RSBN1: variants seen among roughly 807,000 people sequenced by gnomAD.
RSBN1 encodes round spermatid basic protein 1.
Under a neutral mutation model 74.8 loss-of-function variants are expected in RSBN1, and 23 were observed. The ratio of observed to expected loss-of-function variants is 0.31; its 90% CI spans 0.22 to 0.44. RSBN1 has a LOEUF of 0.44. Among genes scored for constraint, RSBN1 ranks in the 20% least tolerant of loss-of-function variants. The pLI is 1.00. For missense variants in RSBN1, 808 were observed against 1,020.9 expected, an observed-to-expected ratio of 0.79 and a Z score of 2.84; for synonymous variants, 407 against 379.6, an observed-to-expected ratio of 1.07 and a Z score of -0.84.
chr1:113,795,980 T>C (rs993509856), intron 2 of RSBN1, among the ~76,000 whole-genome samples: 2 of 152,172 alleles, frequency 1.3e-5, no homozygotes, highest in African/African-American at 4.8e-5. Flanking sequence ...AAAAAAATGA[T>C]AGAGCATGTT....
chr1:113,778,988 T>C (rs1452976430), intron 2 of RSBN1, among the ~76,000 whole-genome samples: 1 of 152,210 alleles, frequency 6.6e-6, no homozygotes, highest in Non-Finnish European at 1.5e-5. Context: ...ATCTCCAATT[T>C]AGAGTTTCTC....
At chr1:113,773,845 A>G (rs1557995609) in intron 4 of RSBN1, among the ~76,000 whole-genome samples, 3 of 151,980 alleles carry the variant, frequency 2.0e-5, no homozygotes, top group Non-Finnish European at 4.4e-5. Context: ...TCTACTAAAA[A>G]TACAAAAGTT....
At chr1:113,770,944 TGAA>T (rs1659875192) in intron 4 of RSBN1, among the ~76,000 whole-genome samples, 1 of 151,020 alleles carries the variant, frequency 6.6e-6, no homozygotes, top group Non-Finnish European at 1.5e-5. Context: ...TAAGAGAAAA[TGAA>T]GAAGAAATTA....
At chr1:113,811,147 T>G (rs1057439948) in intron 1 of RSBN1, among the ~76,000 whole-genome samples, 4 of 152,190 alleles carry the variant, frequency 2.6e-5, no homozygotes, top group Non-Finnish European at 4.4e-5. Context: ...AGAATTTAAA[T>G]AGCTAATATG....
intron 2 of RSBN1, among the ~76,000 whole-genome samples, chr1:113,787,990 A>T (rs1438670282): frequency 6.6e-6 from 1 of 152,282 alleles, no homozygotes; most frequent in African/African-American, 2.4e-5. Context: ...TGAACAACTT[A>T]AGAGTATAAA....
In RSBN1 at chr1:113,763,941, TAA is replaced by T; in HGVS notation, c.*2037_*2038del. The T allele has an allele frequency of 6.7e-6, 1 of 148,626 alleles. No homozygotes were observed. The highest frequency in any genetic ancestry group is 1.9e-4 in the East Asian group (1 of 5,188). 9.2% of individuals were successfully genotyped at this position (148,626 alleles called of 1,614,324 possible). A position where few individuals can be genotyped will look rare whatever the true frequency, so the allele number is the denominator to read the frequency against. On this transcript the variant is annotated 3_prime_UTR_variant, in exon 7 of 7. Coordinates refer to ENST00000261441, the MANE Select transcript of RSBN1 (RefSeq NM_018364.5). ...CGGATCTTGGAAGACAAGAAAAAAT[TAA>T]AAAAAAAAAATTTTTGCTTTAACAG... is the stretch of plus-strand genomic sequence containing the variant.
At chr1:113,775,265 T>C (rs990357568) in intron 4 of RSBN1, among the ~76,000 whole-genome samples, 2 of 152,130 alleles carry the variant, frequency 1.3e-5, no homozygotes, top group African/African-American at 4.8e-5. Flanking sequence ...CCTCAGGTGA[T>C]CCGCCTGCCT....
At chr1:113,781,665 G>A (rs1660142993) in intron 2 of RSBN1, among the ~76,000 whole-genome samples, 1 of 151,992 alleles carries the variant, frequency 6.6e-6, no homozygotes, top group African/African-American at 2.4e-5. Context: ...AACAGAGCTC[G>A]TTTTTTTGTA....
At position 113,812,199 on chromosome 1, in the gene RSBN1, CCT is replaced by C. The variant is rs778904902; in HGVS notation, c.212_213del (p.Glu71GlyfsTer15). 6.2e-7 allele frequency: 1 copy of C among 1,608,362 alleles called. No homozygotes were observed. Among genetic ancestry groups the C allele is most frequent in the Non-Finnish European group, 8.5e-7 (1 of 1,179,894 alleles). On this transcript the variant is annotated frameshift_variant, in exon 1 of 7. Transcript: ENST00000261441. LOFTEE classifies it high-confidence loss of function. ...ACCCCAGCATGAGGTTTCTCCTTCCCCTCTTTGTCCGGCTCCTCCTGCGCCGC... is the reference window on the plus strand; with the variant it reads ...ACCCCAGCATGAGGTTTCTCCTTCCCCTTTGTCCGGCTCCTCCTGCGCCGC... ...AVAAQEEPDK[E>X]GKEKPHAGVS...
At chr1:113,780,841 C>G (rs1054002075) in intron 2 of RSBN1, among the ~76,000 whole-genome samples, 2 of 152,264 alleles carry the variant, frequency 1.3e-5, no homozygotes. Flanking sequence ...ATTTGGATAA[C>G]TGTAGCTAAC....
At chr1:113,788,892 A>C (rs1045584524) in intron 2 of RSBN1, among the ~76,000 whole-genome samples, 2 of 152,090 alleles carry the variant, frequency 1.3e-5, no homozygotes, top group African/African-American at 2.4e-5. Flanking sequence ...CGACCCAAAA[A>C]AAGACATTTA....
chr1:113,803,978 G>A (rs1660643385), intron 1 of RSBN1, among the ~76,000 whole-genome samples: 3 of 151,764 alleles, frequency 2.0e-5, no homozygotes, highest in Non-Finnish European at 2.9e-5. Flanking sequence ...GGGCTTGGCG[G>A]TGCATGCCTG....
At chr1:113,773,573 C>G (rs1659921830) in intron 4 of RSBN1, among the ~76,000 whole-genome samples, 1 of 151,986 alleles carries the variant, frequency 6.6e-6, no homozygotes, top group Admixed American at 6.6e-5. Flanking sequence ...CCAATCAGAT[C>G]AATATAGTTT....
At chr1:113,805,714 T>C (rs1660687281) in intron 1 of RSBN1, among the ~76,000 whole-genome samples, 1 of 152,234 alleles carries the variant, frequency 6.6e-6, no homozygotes. Flanking sequence ...TTCAACTGTT[T>C]ATGAACAACT....
At chr1:113,809,084 C>T (rs6537798) in intron 1 of RSBN1, among the ~76,000 whole-genome samples, 1 of 151,542 alleles carries the variant, frequency 6.6e-6, no homozygotes, top group African/African-American at 2.4e-5. Flanking sequence ...TTCCAAAAAT[C>T]TGAGGATAAG....
chr1:113,763,159 A>C lies in RSBN1; in HGVS notation c.*2821T>G, dbSNP rs1659713007. 6.5e-6 allele frequency: 1 copy of C among 152,778 alleles called. No individual in the cohort carries two copies. Among genetic ancestry groups the C allele is most frequent in the Non-Finnish European group, 1.5e-5 (1 of 68,020 alleles). 9.5% of individuals were successfully genotyped at this position (152,778 alleles called of 1,614,324 possible). ...GGTATAGAGAATTACTTCTGGGGCA[A>C]GAGGAAGACTTTTATGCTTTTTAAT... On this transcript the variant is annotated 3_prime_UTR_variant, in exon 7 of 7. Transcript: ENST00000261441.
chr1:113,785,471 G>A (rs965671052), intron 2 of RSBN1, among the ~76,000 whole-genome samples: 2 of 152,098 alleles, frequency 1.3e-5, no homozygotes, highest in Middle Eastern at 3.2e-3. Flanking sequence ...TGGAGTCAGC[G>A]TTACATATGC....
At chr1:113,808,955 T>C (rs577063559) in intron 1 of RSBN1, among the ~76,000 whole-genome samples, 1 of 152,202 alleles carries the variant, frequency 6.6e-6, no homozygotes, top group African/African-American at 2.4e-5. Flanking sequence ...GTTGATATTA[T>C]ACAATAGTTA....
chr1:113,786,936 T>C (rs923173622), intron 2 of RSBN1, among the ~76,000 whole-genome samples: 3 of 152,238 alleles, frequency 2.0e-5, no homozygotes, highest in African/African-American at 7.2e-5. Flanking sequence ...TTAGAATATA[T>C]TGGTACCAGG....
Sources: allele counts gnomAD v4.1 joint callset (sites outside exome capture counted in the v4.1 genomes callset), GRCh38; gene constraint gnomAD v4.1.1; transcripts MANE v1.5; gene names NCBI Gene and HGNC (gene_info 2026-07-23, HGNC 2026-07-21).